The following MTMR4 variants were observed in gnomAD, a reference collection of about 807,000 sequenced individuals.
The protein encoded by MTMR4 is phosphatidylinositol-3,5-bisphosphate 3-phosphatase MTMR4.
Under a neutral mutation model 125.5 loss-of-function variants are expected in MTMR4, and 30 were observed. That is an observed-to-expected ratio of 0.24 (90% confidence interval 0.18 to 0.32). MTMR4 has a LOEUF of 0.32. MTMR4 is among the 10% of genes least tolerant of loss of function. The probability of loss-of-function intolerance (pLI) is 1.00; values close to 1 mark genes in which losing one functional copy is unlikely to be tolerated. For missense variants in MTMR4, 1,039 were observed against 1,511.5 expected, an observed-to-expected ratio of 0.69 and a Z score of 5.18; for synonymous variants, 498 against 564.5, an observed-to-expected ratio of 0.88 and a Z score of 1.67.
At chr17:58,507,951 ACACT>A (rs760750581) in intron 7 of MTMR4, 2 of 446,280 alleles carry the variant, frequency 4.5e-6, no homozygotes, top group Non-Finnish European at 8.0e-6. Context: ...ACACACACAC[ACACT>A]CTAAAAAAAG....
Position 58,504,799 on chromosome 17 carries a change from G to A in MTMR4, c.1321C>T (p.Pro441Ser). The change falls in exon 11 of 18, where the codon CCA (proline) becomes TCA (serine). Residue 441 changes from proline (P) to serine (S), a missense_variant. Physicochemically the swap from Pro to Ser is moderately conservative, Grantham distance 74. This residue lies in a region of MTMR4 where 107 missense variants were observed against 267.4 expected (regional missense o/e 0.40). Coordinates refer to ENST00000682306, the MANE Select transcript of MTMR4 (RefSeq NM_001378067.1). This position sits in a 1 kb window ranked among gnomAD's most constrained non-coding sequence, Gnocchi z 7.1. ...AATACCTCCAACGTCCTGTAATATG[G>A]GTCCAGTAATATTTTGGCCAGGGCT... The part of the protein sequence containing the change: ...IVALAKILLD[P>S]YYRTLEGFQV... 6.2e-7 allele frequency: 1 copy of A among 1,607,898 alleles called. No homozygotes were observed. The highest frequency in any genetic ancestry group is 1.1e-5 in the South Asian group (1 of 90,376).
chr17:58,507,401 T>G, intron 7 of MTMR4, 82 bp from the exon 8 acceptor site: 3 of 1,318,204 alleles, frequency 2.3e-6, no homozygotes, highest in Non-Finnish European at 3.1e-6. Flanking sequence ...CCAAAGTCTC[T>G]AGAGCCAGCA....
At position 58,495,337 on chromosome 17, in the gene MTMR4, C is replaced by T. The variant is rs201386614; in HGVS notation, c.2847G>A (p.Lys949=). 2.9e-4 allele frequency: 466 copies of T among 1,614,240 alleles called. 7 individuals are homozygous for T. The East Asian group carries it at 0.01, about 35-fold the overall frequency. ...CCCGCATCTGCTTACTGTTTGGCCTCTTGCTACAACAGCCATAGGAAAGCA... is the reference window on the plus strand; with the variant it reads ...CCCGCATCTGCTTACTGTTTGGCCTTTTGCTACAACAGCCATAGGAAAGCA... ...RRLLSYGCCS[K]RPNSKQMRAT... Residue 949 remains lysine (K), a synonymous_variant, in exon 15 of 18, where the codon AAG becomes AAA. Transcript: ENST00000682306.
chr17:58,508,930 C>CTG lies in MTMR4; in HGVS notation c.336-91_336-90dup. 6.9e-7 allele frequency: 1 copy of CTG among 1,456,762 alleles called. No homozygotes were observed. The highest frequency in any genetic ancestry group is 9.4e-7 in the Non-Finnish European group (1 of 1,067,460). The allele number at this position is 1,456,762 out of a possible 1,614,324, so 90.2% of individuals were successfully genotyped here. A position where few individuals can be genotyped will look rare whatever the true frequency, so the allele number is the denominator to read the frequency against. On this transcript the variant is annotated intron_variant, in intron 4 of 17. Transcript: ENST00000682306. This position sits in a 1 kb window ranked among gnomAD's most constrained non-coding sequence, Gnocchi z 4.8. ...GGCCAAAAACACAGCCACAGGAAGGCTGTGAGGAGAGAAGGCTGCAAAGCA... is the reference window on the plus strand; with the variant it reads ...GGCCAAAAACACAGCCACAGGAAGGCTGTGTGAGGAGAGAAGGCTGCAAAGCA...
At chr17:58,510,218 C>A (rs1879607950) in intron 4 of MTMR4, among the ~76,000 whole-genome samples, 1 of 152,184 alleles carries the variant, frequency 6.6e-6, no homozygotes, top group Non-Finnish European at 1.5e-5. Flanking sequence ...AAAGTAAAAG[C>A]CAGTCTTCAT....
At chr17:58,505,372 C>T (rs762097784) in intron 10 of MTMR4, 100 bp downstream of exon 10, 15 of 1,039,292 alleles carry the variant, frequency 1.4e-5, no homozygotes, top group Admixed American at 4.1e-5. Context: ...CCTCAGGTCT[C>T]CTGCTCTCCA....
At chr17:58,505,445 G>A in intron 10 of MTMR4, 27 bp downstream of exon 10, 1 of 1,551,436 alleles carries the variant, frequency 6.4e-7, no homozygotes, top group Non-Finnish European at 8.9e-7. Context: ...AATGAGACTG[G>A]AAGGAATCCA....
In MTMR4 at chr17:58,508,621, A is replaced by C; in HGVS notation, c.497-57T>G. The C allele has an allele frequency of 1.2e-6, 2 of 1,614,062 alleles. No individual in the cohort carries two copies. The highest frequency in any genetic ancestry group is 1.7e-6 in the Non-Finnish European group (2 of 1,179,914). ...CCAGAGCACCAATGTGCAGGAGTGGAGGAGGGATGAGAACTAAGGGGTAAG... is the reference window on the plus strand; with the variant it reads ...CCAGAGCACCAATGTGCAGGAGTGGCGGAGGGATGAGAACTAAGGGGTAAG... On this transcript the variant is annotated intron_variant, in intron 5 of 17. Coordinates refer to ENST00000682306, the MANE Select transcript of MTMR4 (RefSeq NM_001378067.1). The surrounding 1 kb of genome is among the most constrained non-coding windows in gnomAD (Gnocchi z 4.8).
chr17:58,512,593 G>A lies in MTMR4; in HGVS notation c.136-87C>T, dbSNP rs1598228165. 1.7e-6 allele frequency: 2 copies of A among 1,143,652 alleles called. No homozygotes were observed. The highest frequency in any genetic ancestry group is 2.4e-5 in the East Asian group (1 of 42,442). 70.8% of individuals were successfully genotyped at this position (1,143,652 alleles called of 1,614,324 possible). On this transcript the variant is annotated intron_variant, in intron 2 of 17. Coordinates refer to ENST00000682306, the MANE Select transcript of MTMR4 (RefSeq NM_001378067.1). This position sits in a 1 kb window ranked among gnomAD's most constrained non-coding sequence, Gnocchi z 4.1. ...GCCCCTGATCTGTGGGATCCCCTCT[G>A]GAAAAGGTGGGCCAAGGCAAGAGAG...
intron 4 of MTMR4, chr17:58,511,147 C>T (rs904271411): frequency 3.7e-6 from 1 of 273,460 alleles, no homozygotes; most frequent in Non-Finnish European, 6.9e-6. Flanking sequence ...AATATGAGTG[C>T]TCTGTGCCAG....
Position 58,512,609 on chromosome 17 carries a change from G to A in MTMR4, c.136-103C>T. Reference sequence around the variant, plus strand: ...ATCCCCTCTGGAAAAGGTGGGCCAAGGCAAGAGAGGAGAGTTCTCTCCACG... The same window carrying A: ...ATCCCCTCTGGAAAAGGTGGGCCAAAGCAAGAGAGGAGAGTTCTCTCCACG... On this transcript the variant is annotated intron_variant, in intron 2 of 17. Coordinates refer to ENST00000682306, the MANE Select transcript of MTMR4 (RefSeq NM_001378067.1). This position sits in a 1 kb window ranked among gnomAD's most constrained non-coding sequence, Gnocchi z 4.1. The A allele has an allele frequency of 1.0e-6, 1 of 996,282 alleles. No homozygotes were observed. The highest frequency in any genetic ancestry group is 1.8e-5 in the Admixed American group (1 of 54,988). 61.7% of individuals were successfully genotyped at this position (996,282 alleles called of 1,614,324 possible).
chr17:58,495,672 T>A lies in MTMR4; in HGVS notation c.2512A>T (p.Thr838Ser), dbSNP rs762874087. The part of the protein sequence containing the change: ...VCNPPSAACQ[T>S]PLDPSTDFLN... ...AAGTCAGTGCTTGGGTCTAGAGGAG[T>A]TTGGCAGGCAGCACTCGGTGGGTTG... The change falls in exon 15 of 18, where the codon ACT becomes TCT. Residue 838 changes from threonine to serine, a missense_variant. Transcript: ENST00000682306. The A allele has an allele frequency of 2.5e-6, 4 of 1,613,802 alleles. No individual in the cohort carries two copies. Among genetic ancestry groups the A allele is most frequent in the Non-Finnish European group, 3.4e-6 (4 of 1,179,988 alleles).
Position 58,495,760 on chromosome 17 carries a change from C to A in MTMR4, c.2424G>T (p.Gln808His). The A allele has an allele frequency of 6.2e-7, 1 of 1,614,120 alleles. No individual in the cohort carries two copies. Among genetic ancestry groups the A allele is most frequent in the Admixed American group, 1.7e-5 (1 of 60,014 alleles). The change falls in exon 15 of 18, where the codon CAG becomes CAT. Residue 808 changes from glutamine (Q) to histidine (H), a missense_variant. Transcript: ENST00000682306. ...AGGGCACACCTAGCATGGAGTCTGG[C>A]TGGGCCTGTTGGGGCGTACCTGTAG... is the stretch of plus-strand genomic sequence containing the variant. ...NSPTGTPQQA[Q>H]PDSMLGVPSK... is the part of the protein sequence containing the mutation.
In MTMR4 at chr17:58,494,887, T is replaced by C. The variant is rs374420880; in HGVS notation, c.3252+45A>G. On this transcript the variant is annotated intron_variant, in intron 15 of 17. Coordinates refer to ENST00000682306, the MANE Select transcript of MTMR4 (RefSeq NM_001378067.1). ...AATGCTGAATGGAGGGAAGGCTGGATGAACAGAGTAAATAATGGGTGTATG... is the reference window on the plus strand; with the variant it reads ...AATGCTGAATGGAGGGAAGGCTGGACGAACAGAGTAAATAATGGGTGTATG... 3 of 1,555,386 alleles carry C rather than the reference T, an allele frequency of 1.9e-6. No individual in the cohort carries two copies. In the African/African-American group the frequency reaches 4.1e-5, roughly 21 times the overall value.
chr17:58,506,788 C>A lies in MTMR4; in HGVS notation c.988G>T (p.Ala330Ser), dbSNP rs1975788825. 6.2e-7 allele frequency: 1 copy of A among 1,613,910 alleles called. No individual in the cohort carries two copies. The highest frequency in any genetic ancestry group is 8.5e-7 in the Non-Finnish European group (1 of 1,180,040). Residue 330 changes from alanine (A) to serine (S), a missense_variant, in exon 9 of 18, where the codon GCA (alanine) becomes TCA (serine). Coordinates refer to ENST00000682306, the MANE Select transcript of MTMR4 (RefSeq NM_001378067.1). ...CCCTTGGCCCGGTTGGCCACTGCTGCCGTGTAGGATCGCGCATCCAGGATC... is the reference window on the plus strand; with the variant it reads ...CCCTTGGCCCGGTTGGCCACTGCTGACGTGTAGGATCGCGCATCCAGGATC... ...LLILDARSYT[A>S]AVANRAKGGG...
chr17:58,491,777 T>G lies in MTMR4; in HGVS notation c.3516A>C (p.Gln1172His), dbSNP rs376298832. The G allele has an allele frequency of 6.2e-7, 1 of 1,613,870 alleles. No individual in the cohort carries two copies. Among genetic ancestry groups the G allele is most frequent in the South Asian group, 1.1e-5 (1 of 91,052 alleles). The change falls in exon 18 of 18, where the codon CAA (glutamine) becomes CAC (histidine). Residue 1172 changes from glutamine to histidine, a missense_variant. By Grantham distance (24) the Gln-to-His change is conservative (BLOSUM62 0). Coordinates refer to ENST00000682306, the MANE Select transcript of MTMR4 (RefSeq NM_001378067.1). ...CHLKLPIPDQQLYDPVLVCNS... is the reference protein window; with the variant it reads ...CHLKLPIPDQHLYDPVLVCNS... Reference sequence around the variant, plus strand: ...TACAGACGAGAACTGGGTCATAGAGTTGCTGATCAGGAATGGGCAGCTTCA... The same window carrying G: ...TACAGACGAGAACTGGGTCATAGAGGTGCTGATCAGGAATGGGCAGCTTCA...
intron 10 of MTMR4, 102 bp from the exon 11 acceptor site, chr17:58,505,076 A>T: frequency 8.5e-7 from 1 of 1,179,144 alleles, no homozygotes; most frequent in Non-Finnish European, 1.2e-6. Flanking sequence ...CCCCATTGAG[A>T]ACTGAAACCA....
intron 14 of MTMR4, among the ~76,000 whole-genome samples, chr17:58,501,563 GTA>G (rs1183371622): frequency 6.6e-6 from 1 of 150,822 alleles, no homozygotes; most frequent in Non-Finnish European, 1.5e-5. Context: ...ACGTATATAT[GTA>G]TATATGTGTG....
In MTMR4 at chr17:58,508,942, A is replaced by G. The variant is rs1975853239; in HGVS notation, c.336-101T>C. On this transcript the variant is annotated intron_variant, in intron 4 of 17. Transcript: ENST00000682306. This position sits in a 1 kb window ranked among gnomAD's most constrained non-coding sequence, Gnocchi z 4.8. ...AGCCACAGGAAGGCTGTGAGGAGAGAAGGCTGCAAAGCAAGAGGTAAAGCA... is the reference window on the plus strand; with the variant it reads ...AGCCACAGGAAGGCTGTGAGGAGAGGAGGCTGCAAAGCAAGAGGTAAAGCA... 4 of 1,351,582 alleles carry G rather than the reference A, an allele frequency of 3.0e-6. No homozygotes were observed. The highest frequency in any genetic ancestry group is 4.1e-6 in the Non-Finnish European group (4 of 984,986). 83.7% of individuals were successfully genotyped at this position (1,351,582 alleles called of 1,614,324 possible). A position where few individuals can be genotyped will look rare whatever the true frequency, so the allele number is the denominator to read the frequency against.
Sources: allele counts gnomAD v4.1 joint callset (sites outside exome capture counted in the v4.1 genomes callset), GRCh38; gene constraint gnomAD v4.1.1; regional missense constraint gnomAD v4.1.1; non-coding constraint Gnocchi (gnomAD v3.1); transcripts MANE v1.5; gene names NCBI Gene and HGNC (gene_info 2026-07-23, HGNC 2026-07-21).